The following VPS13B variants were observed in gnomAD, a reference collection of about 807,000 sequenced individuals.
The protein encoded by VPS13B is vacuolar protein sorting 13 homolog B, also known as intermembrane lipid transfer protein VPS13B.
In VPS13B, 285 loss-of-function variants were observed where a neutral mutation model predicts 426.4. The observed-to-expected ratio is 0.67, with a 90% CI of 0.61 to 0.74. VPS13B has a LOEUF of 0.74. Ranked by LOEUF, VPS13B falls within the 30% of genes least tolerant of loss-of-function variation. VPS13B has a pLI of 0.00. For synonymous variants in VPS13B, 1,676 were observed against 1,676.4 expected (o/e 1.00, Z 0.01); for missense variants, 4,537 against 4,782.6 (o/e 0.95, Z 1.51).
chr8:99,068,979 A>C (rs182953266), intron 3 of VPS13B, among the ~76,000 whole-genome samples: 1 of 151,616 alleles, frequency 6.6e-6, no homozygotes. Context: ...TCTTATTTTA[A>C]AGTATATGAT....
At chr8:99,287,215 T>C (rs975532686) in intron 19 of VPS13B, among the ~76,000 whole-genome samples, 4 of 90,048 alleles carry the variant, frequency 4.4e-5, no homozygotes, top group Non-Finnish European at 7.0e-5. Context: ...TATATGTGTG[T>C]GTGTATCTAT....
At chr8:99,760,518 T>C (rs1810874187) in intron 39 of VPS13B, among the ~76,000 whole-genome samples, 1 of 152,128 alleles carries the variant, frequency 6.6e-6, no homozygotes, top group Non-Finnish European at 1.5e-5. Context: ...AGGGCCAGGA[T>C]TTTATCCGAA....
At chr8:99,089,904 C>A (rs1431906611) in intron 3 of VPS13B, among the ~76,000 whole-genome samples, 1 of 152,090 alleles carries the variant, frequency 6.6e-6, no homozygotes. Flanking sequence ...GGCCTGTGAT[C>A]TGTCATGTGA....
chr8:99,405,933 C>A (rs1198074867), intron 21 of VPS13B, among the ~76,000 whole-genome samples: 1 of 152,032 alleles, frequency 6.6e-6, no homozygotes, highest in Admixed American at 6.6e-5. Flanking sequence ...GCACCCACCA[C>A]CAACACCAGT....
intron 3 of VPS13B, among the ~76,000 whole-genome samples, chr8:99,080,379 C>G (rs1438216256): frequency 1.3e-5 from 2 of 151,896 alleles, no homozygotes; most frequent in African/African-American, 2.4e-5. Context: ...AATTTTAAAC[C>G]TTTATTTTTT....
intron 17 of VPS13B, among the ~76,000 whole-genome samples, chr8:99,194,113 A>C (rs1813756420): frequency 6.6e-6 from 1 of 152,090 alleles, no homozygotes; most frequent in Non-Finnish European, 1.5e-5. Flanking sequence ...TTGAATTTTG[A>C]AGCATTTCAG....
intron 17 of VPS13B, among the ~76,000 whole-genome samples, chr8:99,264,210 C>CT (rs572953275): frequency 4.8e-4 from 68 of 141,054 alleles, no homozygotes; most frequent in East Asian, 6.2e-4. Flanking sequence ...TTTTTGGAGT[C>CT]TTTTTTTTTT....
chr8:99,086,480 A>G (rs1010857725), intron 3 of VPS13B, among the ~76,000 whole-genome samples: 3 of 152,200 alleles, frequency 2.0e-5, no homozygotes, highest in African/African-American at 7.2e-5. Flanking sequence ...TTGTCCGTCC[A>G]GCTTTGTTCC....
At chr8:99,600,095 T>A (rs1031968181) in intron 33 of VPS13B, among the ~76,000 whole-genome samples, 1 of 152,166 alleles carries the variant, frequency 6.6e-6, no homozygotes, top group Non-Finnish European at 1.5e-5. Flanking sequence ...TGTCAGAATG[T>A]GTATTACTTA....
Position 99,143,447 on chromosome 8 carries a change from A to AT in VPS13B, c.1843+293dup, listed in dbSNP as rs751722197. On this transcript the variant is annotated intron_variant, in intron 13 of 61. Coordinates refer to ENST00000357162, the MANE Select transcript of VPS13B (RefSeq NM_152564.5). ...TTTCTAGTGGATACTTGTGAATATG[A>AT]TTTTTTTTTTTCACATTAATGGATT... is the stretch of plus-strand genomic sequence containing the variant. 4.5e-3 allele frequency among the ~76,000 whole-genome samples: 674 copies of AT among 149,152 alleles called. 5 individuals carry two copies. The highest frequency in any genetic ancestry group is 0.014 in the East Asian group (71 of 5,124).
chr8:99,703,540 A>T (rs1563872587), intron 36 of VPS13B, among the ~76,000 whole-genome samples: 1 of 152,150 alleles, frequency 6.6e-6, no homozygotes, highest in Non-Finnish European at 1.5e-5. Context: ...AAATTATATC[A>T]TATATTTTAA....
intron 33 of VPS13B, among the ~76,000 whole-genome samples, chr8:99,593,391 T>A (rs1420140252): frequency 6.6e-6 from 1 of 152,092 alleles, no homozygotes; most frequent in East Asian, 1.9e-4. Context: ...ATGGCTATTC[T>A]TAAAAAGTCA....
At chr8:99,050,173 AT>A in intron 3 of VPS13B, among the ~76,000 whole-genome samples, 1 of 151,706 alleles carries the variant, frequency 6.6e-6, no homozygotes, top group South Asian at 2.1e-4. Flanking sequence ...TCCTAATGCT[AT>A]CGCTCCCCCC....
chr8:99,533,919 C>T (rs1823057501), intron 30 of VPS13B, among the ~76,000 whole-genome samples: 1 of 152,130 alleles, frequency 6.6e-6, no homozygotes, highest in African/African-American at 2.4e-5. Context: ...CTTCCTCCTC[C>T]CAACTTTTAA....
intron 10 of VPS13B, 123 bp from the exon 11 acceptor site, chr8:99,135,473 C>T: frequency 7.6e-7 from 1 of 1,310,934 alleles, no homozygotes; most frequent in South Asian, 1.4e-5. Context: ...AGCAGCATTC[C>T]TTATCTTTCT....
intron 21 of VPS13B, among the ~76,000 whole-genome samples, chr8:99,399,435 G>A (rs1814915905): frequency 2.0e-5 from 3 of 152,052 alleles, no homozygotes; most frequent in Admixed American, 6.6e-5. Context: ...GATGCTAGAT[G>A]ATTATTTGAT....
chr8:99,171,086 A>T (rs1255028199), intron 16 of VPS13B, among the ~76,000 whole-genome samples: 1 of 151,854 alleles, frequency 6.6e-6, no homozygotes, highest in Non-Finnish European at 1.5e-5. Flanking sequence ...CTGATACAGA[A>T]AATTTTTTTA....
chr8:99,275,571 ATAG>A (rs1818855894), intron 19 of VPS13B, among the ~76,000 whole-genome samples: 2 of 152,086 alleles, frequency 1.3e-5, no homozygotes, highest in Non-Finnish European at 2.9e-5. Context: ...TTTTCTTGAG[ATAG>A]TAGCACTTTG....
At chr8:99,819,812 G>T (rs1814264179) in intron 48 of VPS13B, 109 bp from the exon 49 acceptor site, 3 of 1,388,736 alleles carry the variant, frequency 2.2e-6, no homozygotes, top group Non-Finnish European at 3.0e-6. Flanking sequence ...ATTCTGGTAT[G>T]AGGAGGTATC....
Sources: gnomAD v4.1 joint callset for allele counts (sites outside exome capture counted in the v4.1 genomes callset) on GRCh38, gnomAD v4.1.1 for gene constraint, MANE v1.5 for transcripts, NCBI Gene and HGNC (gene_info 2026-07-23, HGNC 2026-07-21) for gene names.